CAPN6: variants seen among roughly 807,000 people sequenced by gnomAD.
CAPN6 encodes the protein calpain 6, also known as calpain-6.
CAPN6 carries 16 observed loss-of-function variants against 46.0 expected under a neutral mutation model. The observed-to-expected ratio is 0.35, with a 90% CI of 0.24 to 0.53. The LOEUF is 0.53. Among genes scored for constraint, CAPN6 ranks in the 20% least tolerant of loss-of-function variants. The probability of loss-of-function intolerance (pLI) is 0.94; values close to 1 mark genes in which losing one functional copy is unlikely to be tolerated. For missense variants in CAPN6, 461 were observed against 498.0 expected (o/e 0.93, Z 0.71); for synonymous variants, 206 against 172.8 (o/e 1.19, Z -1.51).
At chrX:111,258,528 A>G (rs1022381694) in intron 2 of CAPN6, among the ~76,000 whole-genome samples, 6 of 111,965 alleles carry the variant, frequency 5.4e-5, no homozygotes, top group Non-Finnish European at 1.1e-4. Flanking sequence ...CATCCCCCAG[A>G]TGGAGCATTT....
intron 2 of CAPN6, among the ~76,000 whole-genome samples, chrX:111,260,796 CCTT>C (rs1225816285): frequency 8.9e-6 from 1 of 112,575 alleles, no homozygotes; most frequent in Non-Finnish European, 1.9e-5. Flanking sequence ...GGTAACCTCC[CCTT>C]CTTCAAAAAT....
rs772517310 is a variant in CAPN6, at chrX:111,253,239, T to G, written c.298-23A>C. 2.7e-6 allele frequency: 3 copies of G among 1,116,929 alleles called. No individual in the cohort carries two copies. In the South Asian group the frequency reaches 5.5e-5, roughly 21 times the overall value. The allele number at this position is 1,116,929 out of a possible 1,213,427, so 92.0% of individuals were successfully genotyped here. A position where few individuals can be genotyped will look rare whatever the true frequency, so the allele number is the denominator to read the frequency against. ...TGTCTAGAAATGCAAGAACATTTAA[T>G]CAAGTGTTATTCACCAGACCACATC... On this transcript the variant is annotated intron_variant, in intron 3 of 12. Coordinates refer to ENST00000324068, the MANE Select transcript of CAPN6 (RefSeq NM_014289.4).
chrX:111,249,368 T>TATTATC (rs1249748309), intron 8 of CAPN6, among the ~76,000 whole-genome samples: 24 of 111,151 alleles, frequency 2.2e-4, no homozygotes, highest in Non-Finnish European at 3.6e-4. Context: ...TTATTATTAT[T>TATTATC]GTTATTATTA....
At chrX:111,254,451 A>G in intron 2 of CAPN6, 48 bp from the exon 3 acceptor site, 1 of 1,038,885 alleles carries the variant, frequency 9.6e-7, no homozygotes, top group Non-Finnish European at 1.3e-6. Context: ...AGAGTTTCTC[A>G]AGAGTCACTG....
Position 111,247,962 on chromosome X carries a change from G to A in CAPN6, c.1515C>T (p.Ser505=), listed in dbSNP as rs902827631. ...GGTAGCCACGAGCCAGGTTCCAGCA[G>A]GACATTTTGGGCATGTCCAGAGTCA... ...RELTLDMPKM[S]CWNLARGYPK... is the part of the protein sequence containing the mutation. Residue 505 remains serine (S), a synonymous_variant, in exon 11 of 13, where the codon TCC becomes TCT. Coordinates refer to ENST00000324068, the MANE Select transcript of CAPN6 (RefSeq NM_014289.4). 22 of 1,208,586 alleles carry A rather than the reference G, an allele frequency of 1.8e-5. No homozygotes were observed. The highest frequency in any genetic ancestry group is 2.5e-5 in the Non-Finnish European group (22 of 893,957).
At chrX:111,265,642 T>G (rs1262674737) in intron 1 of CAPN6, among the ~76,000 whole-genome samples, 1 of 112,278 alleles carries the variant, frequency 8.9e-6, no homozygotes. Flanking sequence ...TTTTCTTGTG[T>G]GCTCAAACTT....
intron 12 of CAPN6, 80 bp from the exon 13 acceptor site, chrX:111,246,839 G>A: frequency 1.2e-6 from 1 of 824,802 alleles, no homozygotes; most frequent in Non-Finnish European, 1.7e-6. Flanking sequence ...CAGATCTAAT[G>A]CTGAGCTTCA....
chrX:111,246,981 A>G (rs1214476482), intron 12 of CAPN6, among the ~76,000 whole-genome samples: 1 of 112,014 alleles, frequency 8.9e-6, no homozygotes, highest in Non-Finnish European at 1.9e-5. Flanking sequence ...GACCTGTGGG[A>G]TGGTTACCTA....
intron 2 of CAPN6, among the ~76,000 whole-genome samples, chrX:111,258,109 C>G (rs897364386): frequency 9.0e-6 from 1 of 111,720 alleles, no homozygotes; most frequent in African/African-American, 3.3e-5. Flanking sequence ...AGGGGGCATA[C>G]AGTTACAAGT....
chrX:111,248,690 T>G lies in CAPN6; in HGVS notation c.1363A>C (p.Thr455Pro), dbSNP rs2094976622. The G allele has an allele frequency of 8.3e-7, 1 of 1,208,158 alleles. No homozygotes were observed. Among genetic ancestry groups the G allele is most frequent in the Non-Finnish European group, 1.1e-6 (1 of 894,215 alleles). Residue 455 changes from threonine (T) to proline (P), a missense_variant, in exon 10 of 13, where the codon ACA becomes CCA. By Grantham distance (38) the Thr-to-Pro change is conservative (BLOSUM62 -1). Coordinates refer to ENST00000324068, the MANE Select transcript of CAPN6 (RefSeq NM_014289.4). ...TTCAGGTACTTGCTCAGAAACACTG[T>G]GCGGGTGTCAATATAGGTGGAAGTC... is the stretch of plus-strand genomic sequence containing the variant. Reference protein sequence around the residue: ...AGTSTYIDTRTVFLSKYLKKG... With the variant: ...AGTSTYIDTRPVFLSKYLKKG...
chrX:111,261,274 ACTTAC>A (rs2094987746), intron 2 of CAPN6, among the ~76,000 whole-genome samples: 1 of 112,668 alleles, frequency 8.9e-6, no homozygotes, highest in Non-Finnish European at 1.9e-5. Context: ...CTGAGCAAAT[ACTTAC>A]CTTCTCTTAA....
intron 1 of CAPN6, among the ~76,000 whole-genome samples, chrX:111,267,151 CG>C (rs2094992620): frequency 9.0e-6 from 1 of 111,106 alleles, no homozygotes; most frequent in Non-Finnish European, 1.9e-5. Context: ...TTAGGAAAGT[CG>C]GGAGACAAGA....
At chrX:111,248,851 C>T in intron 9 of CAPN6, 80 bp from the exon 10 acceptor site, 1 of 1,180,537 alleles carries the variant, frequency 8.5e-7, no homozygotes, top group Non-Finnish European at 1.2e-6. Context: ...ATCCCTAGGC[C>T]TTCCATTCTT....
At chrX:111,249,145 G>T in intron 8 of CAPN6, 88 bp from the exon 9 acceptor site, 2 of 1,000,267 alleles carry the variant, frequency 2.0e-6, no homozygotes, top group East Asian at 3.1e-5. Flanking sequence ...GCTTGTCATT[G>T]GGAAGCAGAG....
chrX:111,259,129 C>T (rs755734760), intron 2 of CAPN6, among the ~76,000 whole-genome samples: 5 of 112,515 alleles, frequency 4.4e-5, no homozygotes, highest in Non-Finnish European at 7.5e-5. Context: ...AATGTTTGCA[C>T]AACTTTAAAT....
Position 111,251,664 on chromosome X carries a change from G to A in CAPN6, c.778C>T (p.Arg260Cys), listed in dbSNP as rs765782539. 1.1e-5 allele frequency: 13 copies of A among 1,209,798 alleles called. No individual in the cohort carries two copies. Among genetic ancestry groups the A allele is most frequent in the Non-Finnish European group, 1.3e-5 (12 of 893,890 alleles). Reference sequence around the variant, plus strand: ...AGTCTCTCTCCAAGACGAATTTTGCGAATATCAGTCATGGTATAGGTATGG... The same window carrying A: ...AGTCTCTCTCCAAGACGAATTTTGCAAATATCAGTCATGGTATAGGTATGG... ...KGHTYTMTDIRKIRLGERLVE... is the reference protein window; with the variant it reads ...KGHTYTMTDICKIRLGERLVE... The change falls in exon 6 of 13, where the codon CGC becomes TGC. Residue 260 changes from arginine to cysteine, a missense_variant. By Grantham distance (180) the Arg-to-Cys change is radical. Transcript: ENST00000324068.
At chrX:111,264,756 G>A (rs1257693847) in intron 1 of CAPN6, among the ~76,000 whole-genome samples, 4 of 109,668 alleles carry the variant, frequency 3.6e-5, no homozygotes, top group Admixed American at 9.7e-5. Flanking sequence ...GCTAAACAGA[G>A]AATTCATATA....
Position 111,248,728 on chromosome X carries a change from T to G in CAPN6, c.1325A>C (p.Gln442Pro). 8.3e-7 allele frequency: 1 copy of G among 1,211,761 alleles called. No homozygotes were observed. Among genetic ancestry groups the G allele is most frequent in the Non-Finnish European group, 1.1e-6 (1 of 895,480 alleles). ...RKFRLHHLYI[Q>P]ERAGTSTYID... Reference sequence around the variant, plus strand: ...ATAGGTGGAAGTCCCAGCACGCTCCTGGATGTAGAGGTGGTGGAGGCGGAA... The same window carrying G: ...ATAGGTGGAAGTCCCAGCACGCTCCGGGATGTAGAGGTGGTGGAGGCGGAA... The change falls in exon 10 of 13, where the codon CAG (glutamine) becomes CCG (proline). Residue 442 changes from glutamine (Q) to proline (P), a missense_variant. Coordinates refer to ENST00000324068, the MANE Select transcript of CAPN6 (RefSeq NM_014289.4).
rs17879776 is a variant in CAPN6, at chrX:111,248,637, G to A, written c.1416C>T (p.Thr472=). 1,562 of 1,207,994 alleles carry A rather than the reference G, an allele frequency of 1.3e-3. 21 individuals carry two copies. The African/African-American group carries it at 0.024, about 18-fold the overall frequency. The part of the protein sequence containing the change: ...LKKGNYVLVP[T]MFQHGRTSEF... ...CGCTGGTGCGACCATGCTGGAACATGGTTGGGACAAGCACATAGTTGCCCT... is the reference window on the plus strand; with the variant it reads ...CGCTGGTGCGACCATGCTGGAACATAGTTGGGACAAGCACATAGTTGCCCT... The change falls in exon 10 of 13, where the codon ACC becomes ACT. Residue 472 remains threonine, a synonymous_variant. Coordinates refer to ENST00000324068, the MANE Select transcript of CAPN6 (RefSeq NM_014289.4).
Sources: gnomAD v4.1 joint callset for allele counts (sites outside exome capture counted in the v4.1 genomes callset) on GRCh38, gnomAD v4.1.1 for gene constraint, MANE v1.5 for transcripts, NCBI Gene and HGNC (gene_info 2026-07-23, HGNC 2026-07-21) for gene names.